The following TGFBR3 variants were observed in gnomAD, a reference collection of about 807,000 sequenced individuals.
TGFBR3 encodes the protein transforming growth factor beta receptor 3.
Under a neutral mutation model 87.9 loss-of-function variants are expected in TGFBR3, and 46 were observed. That is an observed-to-expected ratio of 0.52 (90% CI 0.41 to 0.67). The LOEUF (loss-of-function observed/expected upper bound fraction) is 0.67, where lower values mean the gene tolerates loss of function less well. Among genes scored for constraint, TGFBR3 ranks in the 30% least tolerant of loss-of-function variants. TGFBR3 has a pLI of 0.00. For missense variants in TGFBR3, 866 were observed against 1,041.9 expected (o/e 0.83, Z 2.32); for synonymous variants, 381 against 391.6 (o/e 0.97, Z 0.32).
At chr1:91,762,332 C>CT (rs1431308702) in intron 3 of TGFBR3, among the ~76,000 whole-genome samples, 1 of 152,174 alleles carries the variant, frequency 6.6e-6, no homozygotes, top group African/African-American at 2.4e-5. Flanking sequence ...GGCCCATGAA[C>CT]TCCCCGTTAG....
At chr1:91,824,079 G>A (rs528800935) in intron 2 of TGFBR3, among the ~76,000 whole-genome samples, 3 of 152,232 alleles carry the variant, frequency 2.0e-5, no homozygotes, top group East Asian at 3.9e-4. Context: ...GCAGTGAGCC[G>A]AGACTGTACC....
At chr1:91,766,461 A>C (rs1674191335) in intron 3 of TGFBR3, 1 of 152,178 alleles carries the variant, frequency 6.6e-6, no homozygotes, top group Admixed American at 6.5e-5. Context: ...GTGCATCAGT[A>C]CTGTGATGTA....
intron 3 of TGFBR3, among the ~76,000 whole-genome samples, chr1:91,765,326 G>C (rs530740797): frequency 6.6e-6 from 1 of 150,722 alleles, no homozygotes; most frequent in Non-Finnish European, 1.5e-5. Flanking sequence ...AAGAAGGAAC[G>C]AACAAAAGTT....
chr1:91,762,368 C>A (rs1674001511), intron 3 of TGFBR3, among the ~76,000 whole-genome samples: 1 of 152,116 alleles, frequency 6.6e-6, no homozygotes. Flanking sequence ...GATTAAGAAC[C>A]CCATCGTAAA....
intron 2 of TGFBR3, among the ~76,000 whole-genome samples, chr1:91,820,603 G>A (rs990485723): frequency 1.5e-4 from 23 of 152,172 alleles, no homozygotes; most frequent in African/African-American, 5.1e-4. Context: ...GGAGAATGGC[G>A]TGAACCCAGG....
At chr1:91,784,881 C>T (rs559250691) in intron 3 of TGFBR3, among the ~76,000 whole-genome samples, 2 of 152,290 alleles carry the variant, frequency 1.3e-5, no homozygotes, top group East Asian at 3.9e-4. Context: ...CCCAGCCTAC[C>T]CCCTTCATTG....
At chr1:91,851,115 A>G (rs1677713007) in intron 2 of TGFBR3, among the ~76,000 whole-genome samples, 1 of 152,194 alleles carries the variant, frequency 6.6e-6, no homozygotes, top group African/African-American at 2.4e-5. Flanking sequence ...GAAGGTAGTA[A>G]AATTTTCCAC....
chr1:91,831,568 A>G (rs888035884), intron 2 of TGFBR3, among the ~76,000 whole-genome samples: 4 of 152,246 alleles, frequency 2.6e-5, no homozygotes, highest in Non-Finnish European at 4.4e-5. Flanking sequence ...AAACCTGCAG[A>G]TTTGGGTCAA....
chr1:91,899,363 A>T (rs1433645284), intron 2 of TGFBR3, among the ~76,000 whole-genome samples: 1 of 152,198 alleles, frequency 6.6e-6, no homozygotes, highest in African/African-American at 2.4e-5. Flanking sequence ...AAAATTAGCC[A>T]CGTATGGTGG....
chr1:91,840,728 T>C (rs1461611037), intron 2 of TGFBR3, among the ~76,000 whole-genome samples: 1 of 152,192 alleles, frequency 6.6e-6, no homozygotes, highest in Non-Finnish European at 1.5e-5. Context: ...TTTTCCAAAA[T>C]TTTAACTTGT....
chr1:91,695,650 C>G, intron 16 of TGFBR3, 22 bp downstream of exon 16: 1 of 1,589,600 alleles, frequency 6.3e-7, no homozygotes, highest in Non-Finnish European at 8.6e-7. Context: ...TTCACCAACT[C>G]TTACTCAACA....
At chr1:91,780,836 G>A (rs111762222) in intron 3 of TGFBR3, among the ~76,000 whole-genome samples, 1,796 of 151,328 alleles carry the variant, frequency 0.012, 35 homozygotes, top group African/African-American at 0.042. Context: ...GGGATTACAG[G>A]TGTGAGCCAC....
intron 3 of TGFBR3, among the ~76,000 whole-genome samples, chr1:91,782,950 C>G (rs965237056): frequency 1.3e-5 from 2 of 152,228 alleles, no homozygotes; most frequent in Non-Finnish European, 2.9e-5. Context: ...AAGCCCAGTG[C>G]TAGGCACAGA....
In TGFBR3 at chr1:91,683,128, A is replaced by T. The variant is rs1670966632; in HGVS notation, c.*611T>A. The T allele has an allele frequency of 4.4e-6, 2 of 454,422 alleles. No homozygotes were observed. Among genetic ancestry groups the T allele is most frequent in the East Asian group, 1.4e-4 (2 of 14,402 alleles). 28.1% of individuals were successfully genotyped at this position (454,422 alleles called of 1,614,324 possible). ...GGGCACAAGAAAGGAATGTTGCCTT[A>T]ACACTTGTCAGGGTGCAGTCCCTGA... On this transcript the variant is annotated 3_prime_UTR_variant, in exon 17 of 17. Transcript: ENST00000212355.
Position 91,729,917 on chromosome 1 carries a change from G to C in TGFBR3, c.625C>G (p.Leu209Val). 1 of 1,614,166 alleles carries C rather than the reference G, an allele frequency of 6.2e-7. No individual in the cohort carries two copies. The highest frequency in any genetic ancestry group is 8.5e-7 in the Non-Finnish European group (1 of 1,180,020). ...IGKNFLSLNY[L>V]AEYLQPKAAE... is the part of the protein sequence containing the mutation. ...GCTTTGGGTTGAAGGTACTCAGCAA[G>C]GTAATTGAGTGAGAGAAAATTCTTC... The change falls in exon 6 of 17, where the codon CTT becomes GTT. Residue 209 changes from leucine (L) to valine (V), a missense_variant. Physicochemically the swap from Leu to Val is conservative, Grantham distance 32. Transcript: ENST00000212355.
chr1:91,852,423 T>A lies in TGFBR3; in HGVS notation c.61+9048A>T, dbSNP rs573359092. On this transcript the variant is annotated intron_variant, in intron 2 of 16. Coordinates refer to ENST00000212355, the MANE Select transcript of TGFBR3 (RefSeq NM_003243.5). ...GTGCGCATGCATGTGTGTGTTGTGT[T>A]TGCACACGCATGCACGCACATGCTG... is the stretch of plus-strand genomic sequence containing the variant. Among the ~76,000 whole-genome samples, 22 of 152,322 alleles carry A rather than the reference T, an allele frequency of 1.4e-4. No individual in the cohort carries two copies. In the South Asian group the frequency reaches 4.1e-3, roughly 29 times the overall value.
At chr1:91,855,214 C>A (rs999372122) in intron 2 of TGFBR3, among the ~76,000 whole-genome samples, 1 of 152,196 alleles carries the variant, frequency 6.6e-6, no homozygotes, top group African/African-American at 2.4e-5. Context: ...AATCTGTGCA[C>A]AGTTTGCAGG....
rs751824095 is a variant in TGFBR3 at position 91,716,728 on chromosome 1, C to T, written c.1567-20G>A. On this transcript the variant is annotated intron_variant, in intron 10 of 16. Transcript: ENST00000212355. Reference sequence around the variant, plus strand: ...CACAATCTAAAAGGCAAAGAAAGCACAGCCAATGTTATAAAAACACCAAAC... The same window carrying T: ...CACAATCTAAAAGGCAAAGAAAGCATAGCCAATGTTATAAAAACACCAAAC... 6.2e-6 allele frequency: 10 copies of T among 1,613,944 alleles called. No homozygotes were observed. The highest frequency in any genetic ancestry group is 1.7e-5 in the Admixed American group (1 of 60,004).
At chr1:91,736,002 T>G (rs1003322956) in intron 4 of TGFBR3, among the ~76,000 whole-genome samples, 3 of 152,182 alleles carry the variant, frequency 2.0e-5, no homozygotes, top group Non-Finnish European at 4.4e-5. Context: ...AGGGCAGGGA[T>G]TTTATTAGTG....
Sources: allele counts gnomAD v4.1 joint callset (sites outside exome capture counted in the v4.1 genomes callset), GRCh38; gene constraint gnomAD v4.1.1; transcripts MANE v1.5; gene names NCBI Gene and HGNC (gene_info 2026-07-23, HGNC 2026-07-21).